Variants in CLSTN2 observed in about 807,000 individuals in gnomAD.
CLSTN2 encodes calsyntenin-2.
CLSTN2 carries 48 observed loss-of-function variants against 101.2 expected under a neutral mutation model. The observed-to-expected ratio is 0.47, with a 90% CI of 0.38 to 0.60. The LOEUF (loss-of-function observed/expected upper bound fraction) is 0.60, where lower values mean the gene tolerates loss of function less well. CLSTN2 is among the 20% of genes least tolerant of loss of function. CLSTN2 has a pLI of 0.00. For synonymous variants in CLSTN2, 481 were observed against 463.6 expected (o/e 1.04, Z -0.48); for missense variants, 1,160 against 1,238.2 (o/e 0.94, Z 0.95).
intron 2 of CLSTN2, among the ~76,000 whole-genome samples, chr3:140,342,176 C>T (rs988087044): frequency 5.9e-5 from 9 of 152,148 alleles, no homozygotes; most frequent in African/African-American, 1.9e-4. Flanking sequence ...CTCTCAACCT[C>T]GAACTATTGA....
At chr3:140,221,257 C>T (rs1381226434) in intron 2 of CLSTN2, among the ~76,000 whole-genome samples, 1 of 152,116 alleles carries the variant, frequency 6.6e-6, no homozygotes, top group Non-Finnish European at 1.5e-5. Flanking sequence ...AAGTTTAATG[C>T]CAAAACTCAT....
At chr3:140,221,635 G>A (rs897858690) in intron 2 of CLSTN2, among the ~76,000 whole-genome samples, 5 of 152,086 alleles carry the variant, frequency 3.3e-5, no homozygotes, top group South Asian at 2.1e-4. Context: ...TGACTCTATC[G>A]AAACAAATGT....
At chr3:140,342,382 G>A (rs1329673492) in intron 2 of CLSTN2, among the ~76,000 whole-genome samples, 1 of 152,022 alleles carries the variant, frequency 6.6e-6, no homozygotes, top group Non-Finnish European at 1.5e-5. Context: ...CTTTTCTAAA[G>A]GGATGAGTAT....
At chr3:140,012,509 A>G (rs1168587739) in intron 1 of CLSTN2, among the ~76,000 whole-genome samples, 1 of 152,154 alleles carries the variant, frequency 6.6e-6, no homozygotes, top group African/African-American at 2.4e-5. Flanking sequence ...CTGTTGTAGC[A>G]GCTCCAGATA....
At chr3:140,476,845 C>G (rs1244600856) in intron 8 of CLSTN2, among the ~76,000 whole-genome samples, 2 of 151,848 alleles carry the variant, frequency 1.3e-5, no homozygotes, top group Non-Finnish European at 2.9e-5. Context: ...ATTTTTAGTA[C>G]AGATGGGATT....
At chr3:140,546,735 C>A in intron 10 of CLSTN2, 54 bp downstream of exon 10, 1 of 1,479,196 alleles carries the variant, frequency 6.8e-7, no homozygotes, top group Non-Finnish European at 9.1e-7. Flanking sequence ...TGATGCCCAG[C>A]CTGCACAGCG....
At chr3:140,298,413 A>G (rs575665896) in intron 2 of CLSTN2, among the ~76,000 whole-genome samples, 17 of 152,342 alleles carry the variant, frequency 1.1e-4, no homozygotes, top group African/African-American at 4.1e-4. Context: ...AATGATGACA[A>G]TAATCATAAT....
chr3:140,242,975 CTG>C (rs2086483808), intron 2 of CLSTN2, among the ~76,000 whole-genome samples: 1 of 152,230 alleles, frequency 6.6e-6, no homozygotes, highest in Non-Finnish European at 1.5e-5. Context: ...ACACCTGCTG[CTG>C]TTCCTTGTTC....
intron 16 of CLSTN2, 22 bp from the exon 17 acceptor site, chr3:140,566,031 G>A: frequency 6.2e-7 from 1 of 1,613,908 alleles, no homozygotes; most frequent in Non-Finnish European, 8.5e-7. Flanking sequence ...ATGAGCATTT[G>A]CTTTTTCTCC....
intron 2 of CLSTN2, among the ~76,000 whole-genome samples, chr3:140,351,796 T>TTG (rs949276443): frequency 6.6e-6 from 1 of 151,684 alleles, no homozygotes; most frequent in Non-Finnish European, 1.5e-5. Flanking sequence ...TGTTTTGTTT[T>TTG]TTTTTTTTCT....
intron 1 of CLSTN2, among the ~76,000 whole-genome samples, chr3:139,958,726 G>C (rs1935451796): frequency 6.6e-6 from 1 of 151,474 alleles, no homozygotes. Flanking sequence ...CACATGTCTG[G>C]AACAATAGAT....
At chr3:140,331,772 C>A (rs1016088604) in intron 2 of CLSTN2, among the ~76,000 whole-genome samples, 5 of 152,150 alleles carry the variant, frequency 3.3e-5, no homozygotes, top group Non-Finnish European at 7.3e-5. Context: ...TTGGCATCTG[C>A]CTTTGGCTAA....
At chr3:140,297,996 G>A (rs1187771425) in intron 2 of CLSTN2, among the ~76,000 whole-genome samples, 1 of 152,182 alleles carries the variant, frequency 6.6e-6, no homozygotes, top group African/African-American at 2.4e-5. Context: ...CAATTGTAAA[G>A]TCAAAAAATT....
chr3:140,301,767 C>T (rs1463410815), intron 2 of CLSTN2, among the ~76,000 whole-genome samples: 7 of 152,178 alleles, frequency 4.6e-5, no homozygotes, highest in Admixed American at 1.3e-4. Flanking sequence ...ACCAGGTACT[C>T]CTCCTGGAGG....
chr3:140,550,904 C>T (rs898122186), intron 10 of CLSTN2, among the ~76,000 whole-genome samples: 20 of 151,472 alleles, frequency 1.3e-4, no homozygotes, highest in Non-Finnish European at 2.2e-4. Flanking sequence ...GATCCTCTTC[C>T]ATTCCTAGGG....
chr3:140,365,232 A>G lies in CLSTN2; in HGVS notation c.233-38397A>G, dbSNP rs145050526. Among the ~76,000 whole-genome samples, 481 of 152,282 alleles carry G rather than the reference A, an allele frequency of 3.2e-3. 3 individuals are homozygous for G. Among genetic ancestry groups the G allele is most frequent in the African/African-American group, 0.01 (430 of 41,554 alleles). ...AACTAACAAACTCATGTACAAATGC[A>G]TGAATAAATGCTGCCTCCTAAAATA... On this transcript the variant is annotated intron_variant, in intron 2 of 16. Transcript: ENST00000458420.
chr3:140,368,283 G>A (rs1389866167), intron 2 of CLSTN2, among the ~76,000 whole-genome samples: 1 of 152,160 alleles, frequency 6.6e-6, no homozygotes, highest in African/African-American at 2.4e-5. Context: ...TGTGCCCTAA[G>A]CAGTTAGCAC....
At chr3:140,545,348 G>C (rs1935565967) in intron 9 of CLSTN2, among the ~76,000 whole-genome samples, 2 of 152,164 alleles carry the variant, frequency 1.3e-5, no homozygotes, top group African/African-American at 4.8e-5. Flanking sequence ...GAAGCTGCTG[G>C]CCAGGTGTTG....
intron 1 of CLSTN2, among the ~76,000 whole-genome samples, chr3:139,979,288 A>G (rs567433946): frequency 6.6e-6 from 1 of 152,308 alleles, no homozygotes; most frequent in East Asian, 1.9e-4. Context: ...CAGAGCCCTT[A>G]AGGTTTCTCA....
Sources: gnomAD v4.1 joint callset for allele counts (sites outside exome capture counted in the v4.1 genomes callset) on GRCh38, gnomAD v4.1.1 for gene constraint, MANE v1.5 for transcripts, NCBI Gene and HGNC (gene_info 2026-07-23, HGNC 2026-07-21) for gene names.